DTX2: variants seen among roughly 807,000 people sequenced by gnomAD.
The protein encoded by DTX2 is probable E3 ubiquitin-protein ligase DTX2.
DTX2 carries 29 observed loss-of-function variants against 55.3 expected under a neutral mutation model. That is an observed-to-expected ratio of 0.52 (90% CI 0.39 to 0.71). The LOEUF is 0.71. DTX2 is among the 30% of genes least tolerant of loss of function. The probability of loss-of-function intolerance (pLI) is 0.00; values close to 1 mark genes in which losing one functional copy is unlikely to be tolerated. For synonymous variants in DTX2, 276 were observed against 340.4 expected, an observed-to-expected ratio of 0.81 and a Z score of 2.08; for missense variants, 537 against 822.5, an observed-to-expected ratio of 0.65 and a Z score of 4.25.
chr7:76,466,540 T>C (rs1807202576), intron 2 of DTX2, among the ~76,000 whole-genome samples: 1 of 151,722 alleles, frequency 6.6e-6, no homozygotes, highest in Non-Finnish European at 1.5e-5. Context: ...CTCCTTTCTT[T>C]CATTTTTTTC....
At chr7:76,486,894 C>T (rs1185828512) in intron 4 of DTX2, among the ~76,000 whole-genome samples, 8 of 36,100 alleles carry the variant, frequency 2.2e-4, no homozygotes, top group East Asian at 1.5e-3. Context: ...CTGCCCTTGC[C>T]TCTAAAAGAA....
intron 2 of DTX2, among the ~76,000 whole-genome samples, chr7:76,472,276 G>A (rs1361794651): frequency 6.9e-6 from 1 of 144,730 alleles, no homozygotes; most frequent in Non-Finnish European, 1.5e-5. Context: ...CAGCGGTGGT[G>A]GTGGTTTGGT....
intron 2 of DTX2, among the ~76,000 whole-genome samples, chr7:76,477,565 A>G (rs1808687427): frequency 6.6e-6 from 1 of 151,378 alleles, no homozygotes; most frequent in Non-Finnish European, 1.5e-5. Context: ...TCAAGATGAT[A>G]CAATAGCCAG....
intron 2 of DTX2, among the ~76,000 whole-genome samples, chr7:76,464,347 G>A (rs1455904873): frequency 1.3e-5 from 2 of 150,460 alleles, no homozygotes; most frequent in Admixed American, 6.6e-5. Context: ...GGAAAAGCAG[G>A]CAGAGGGCTC....
intron 8 of DTX2, among the ~76,000 whole-genome samples, chr7:76,503,209 A>G (rs976539107): frequency 1.3e-5 from 2 of 152,204 alleles, no homozygotes; most frequent in African/African-American, 4.8e-5. Flanking sequence ...CTGTCTCCTG[A>G]TAGCATGTCC....
intron 8 of DTX2, 195 bp from the exon 9 acceptor site, chr7:76,503,231 T>C (rs1180722561): frequency 4.8e-6 from 3 of 626,122 alleles, no homozygotes; most frequent in Admixed American, 3.0e-5. Context: ...TTAACGAAAA[T>C]GGCATGAGTT....
chr7:76,492,267 C>T lies in DTX2; in HGVS notation c.1009+14C>T. ...AGGCGCTCGCAGGTAGGTGCCTGACCTCGGGCTGCAGAGCAGTCTGTGCCC... is the reference window on the plus strand; with the variant it reads ...AGGCGCTCGCAGGTAGGTGCCTGACTTCGGGCTGCAGAGCAGTCTGTGCCC... On this transcript the variant is annotated intron_variant, in intron 5 of 10. Transcript: ENST00000430490. The T allele has an allele frequency of 1.0e-6, 1 of 984,954 alleles. No homozygotes were observed. The highest frequency in any genetic ancestry group is 1.4e-6 in the Non-Finnish European group (1 of 735,876). The allele number at this position is 984,954 out of a possible 1,614,324, so 61.0% of individuals were successfully genotyped here.
At chr7:76,475,557 C>T (rs1035496712) in intron 2 of DTX2, among the ~76,000 whole-genome samples, 2 of 134,160 alleles carry the variant, frequency 1.5e-5, no homozygotes, top group African/African-American at 5.5e-5. Context: ...CGTAGTGGTG[C>T]GTGCCTGTAA....
chr7:76,469,203 C>G (rs1807567050), intron 2 of DTX2, among the ~76,000 whole-genome samples: 1 of 150,898 alleles, frequency 6.6e-6, no homozygotes, highest in Admixed American at 6.7e-5. Flanking sequence ...AGCATGCTGG[C>G]CCTAGCCATA....
Position 76,465,147 on chromosome 7 carries a change from G to A in DTX2, c.-90+1438G>A, listed in dbSNP as rs571689620. The stretch of plus-strand genomic sequence containing the variant: ...TTTCTGCTGGGCACATCCAGGCATC[G>A]TGGGAAGTGCTGTTTAAATTGGGCC... On this transcript the variant is annotated intron_variant, in intron 2 of 10. Coordinates refer to ENST00000430490, the MANE Select transcript of DTX2 (RefSeq NM_001102594.3). 1.1e-4 allele frequency among the ~76,000 whole-genome samples: 16 copies of A among 147,366 alleles called. No individual in the cohort carries two copies. The South Asian group carries it at 2.9e-3, about 27-fold the overall frequency.
Position 76,505,239 on chromosome 7 carries a change from TGAGTGCCAGG to T in DTX2, c.1642-129_1642-120del. The T allele has an allele frequency of 1.4e-6, 1 of 718,722 alleles. No individual in the cohort carries two copies. The highest frequency in any genetic ancestry group is 1.7e-5 in the South Asian group (1 of 57,486). 44.5% of individuals were successfully genotyped at this position (718,722 alleles called of 1,614,324 possible). A position where few individuals can be genotyped will look rare whatever the true frequency, so the allele number is the denominator to read the frequency against. On this transcript the variant is annotated intron_variant, in intron 10 of 10. Transcript: ENST00000430490. This position sits in a 1 kb window ranked among gnomAD's most constrained non-coding sequence, Gnocchi z 4.4. ...AGTTTTGGGGTCCCTGCAGATGGGG[TGAGTGCCAGG>T]GAGTGGATGAGTCACCTGGGAGGGG...
rs747510336 is a variant in DTX2 at position 76,482,680 on chromosome 7, C to A, written c.441C>A (p.Pro147=). Reference sequence around the variant, plus strand: ...GCAACCAGCTCGTGGACTTGGCCCCCCTGGGGTACAACTACACTGTCAACT... The same window carrying A: ...GCAACCAGCTCGTGGACTTGGCCCCACTGGGGTACAACTACACTGTCAACT... The part of the protein sequence containing the change: ...ARGNQLVDLA[P]LGYNYTVNYT... Residue 147 remains proline, a synonymous_variant, in exon 4 of 11, where the codon CCC becomes CCA. Transcript: ENST00000430490. 38 of 1,613,670 alleles carry A rather than the reference C, an allele frequency of 2.4e-5. No individual in the cohort carries two copies. The South Asian group carries it at 2.7e-4, about 12-fold the overall frequency.
chr7:76,469,360 A>ATT (rs67541833), intron 2 of DTX2, among the ~76,000 whole-genome samples: 254 of 81,082 alleles, frequency 3.1e-3, no homozygotes, highest in Middle Eastern at 0.018. Flanking sequence ...TGAAATCTAG[A>ATT]TTTTTTTTTT....
chr7:76,470,226 A>C, intron 2 of DTX2: 1 of 351,202 alleles, frequency 2.8e-6, no homozygotes, highest in Non-Finnish European at 5.3e-6. Flanking sequence ...CACGGCTGGC[A>C]GATCCAGCTC....
At chr7:76,477,939 G>A (rs559188806) in intron 2 of DTX2, among the ~76,000 whole-genome samples, 21 of 150,272 alleles carry the variant, frequency 1.4e-4, no homozygotes, top group Admixed American at 4.7e-4. Flanking sequence ...AACCCAGGTC[G>A]GGTCTGGCTC....
chr7:76,505,742 C>A lies in DTX2; in HGVS notation c.*141C>A. On this transcript the variant is annotated 3_prime_UTR_variant, in exon 11 of 11. Transcript: ENST00000430490. This position sits in a 1 kb window ranked among gnomAD's most constrained non-coding sequence, Gnocchi z 4.4. ...GTGTGCCCCACCTGAAGCCGGGGCT[C>A]CCCCTGCCTGCCTCTCTCTCCTCCT... The A allele has an allele frequency of 1.2e-6, 1 of 866,834 alleles. No individual in the cohort carries two copies. Among genetic ancestry groups the A allele is most frequent in the Non-Finnish European group, 1.8e-6 (1 of 566,300 alleles). The allele number at this position is 866,834 out of a possible 1,614,324, so 53.7% of individuals were successfully genotyped here.
chr7:76,474,438 A>G (rs1025610537), intron 2 of DTX2: 9 of 152,134 alleles, frequency 5.9e-5, no homozygotes, highest in African/African-American at 2.2e-4. Flanking sequence ...TCTAACTGCC[A>G]GAATCACAGA....
At chr7:76,467,148 C>T (rs1332671386) in intron 2 of DTX2, among the ~76,000 whole-genome samples, 1 of 151,494 alleles carries the variant, frequency 6.6e-6, no homozygotes, top group East Asian at 1.9e-4. Flanking sequence ...ATTCACCCGC[C>T]TTGGCCTCCC....
chr7:76,475,995 TCTGGACTCAAGCGATCCGCCCGCCTC>T (rs1213951832), intron 2 of DTX2, among the ~76,000 whole-genome samples: 1 of 28,572 alleles, frequency 3.5e-5, no homozygotes, highest in Non-Finnish European at 7.1e-5. Flanking sequence ...GTCTTGTATT[TCTGGACTCAAGCGATCCGCCCGCCTC>T]GGCCTCCCAA....
Sources: allele counts gnomAD v4.1 joint callset (sites outside exome capture counted in the v4.1 genomes callset), GRCh38; gene constraint gnomAD v4.1.1; non-coding constraint Gnocchi (gnomAD v3.1); transcripts MANE v1.5; gene names NCBI Gene and HGNC (gene_info 2026-07-23, HGNC 2026-07-21).